Variants in AGFG1 observed in about 807,000 individuals in gnomAD.
AGFG1 encodes arf-GAP domain and FG repeat-containing protein 1.
AGFG1 carries 10 observed loss-of-function variants against 60.6 expected under a neutral mutation model. That is an observed-to-expected ratio of 0.16 (90% CI 0.10 to 0.28). AGFG1 has a LOEUF of 0.28. AGFG1 is among the 10% of genes least tolerant of loss of function. The pLI is 1.00. For missense variants in AGFG1, 537 were observed against 676.5 expected, an observed-to-expected ratio of 0.79 and a Z score of 2.29; for synonymous variants, 247 against 242.9, an observed-to-expected ratio of 1.02 and a Z score of -0.16.
intron 10 of AGFG1, chr2:227,550,047 G>A (rs1050367810): frequency 6.7e-6 from 3 of 449,144 alleles, no homozygotes; most frequent in East Asian, 7.5e-5. Flanking sequence ...TCTCTTTATG[G>A]CTTTCCATAA....
intron 2 of AGFG1, among the ~76,000 whole-genome samples, chr2:227,506,957 G>T (rs1243305526): frequency 6.6e-6 from 1 of 152,030 alleles, no homozygotes; most frequent in African/African-American, 2.4e-5. Flanking sequence ...TTCAGGAATG[G>T]GAAAGATCCA....
At chr2:227,553,826 A>G in intron 12 of AGFG1, 31 bp downstream of exon 12, 1 of 1,488,168 alleles carries the variant, frequency 6.7e-7, no homozygotes, top group Non-Finnish European at 9.3e-7. Context: ...AATACTTTAT[A>G]AGTTGTTAAA....
intron 2 of AGFG1, among the ~76,000 whole-genome samples, chr2:227,494,630 T>G (rs980544968): frequency 1.3e-5 from 2 of 152,218 alleles, no homozygotes; most frequent in African/African-American, 4.8e-5. Flanking sequence ...CCATGAATGA[T>G]GAATGACTTG....
intron 10 of AGFG1, among the ~76,000 whole-genome samples, chr2:227,547,744 A>G (rs1432832938): frequency 1.3e-5 from 2 of 152,232 alleles, no homozygotes; most frequent in Non-Finnish European, 2.9e-5. Context: ...TGCTTGTGGG[A>G]ATATAAAATG....
At chr2:227,530,047 T>C (rs1249057974) in intron 5 of AGFG1, among the ~76,000 whole-genome samples, 1 of 152,162 alleles carries the variant, frequency 6.6e-6, no homozygotes, top group African/African-American at 2.4e-5. Context: ...CGTCCTATGA[T>C]CTATCTTCCT....
intron 1 of AGFG1, among the ~76,000 whole-genome samples, chr2:227,481,052 C>T (rs1004592389): frequency 1.4e-5 from 2 of 147,926 alleles, no homozygotes; most frequent in Non-Finnish European, 3.0e-5. Context: ...TGTTCAGAAC[C>T]TCATATTGAA....
At chr2:227,520,832 T>C (rs1013997845) in intron 3 of AGFG1, among the ~76,000 whole-genome samples, 1 of 152,184 alleles carries the variant, frequency 6.6e-6, no homozygotes, top group Non-Finnish European at 1.5e-5. Context: ...GTTAACAAGA[T>C]GGGGCAGAGA....
At chr2:227,501,230 A>G (rs1691145506) in intron 2 of AGFG1, among the ~76,000 whole-genome samples, 1 of 151,862 alleles carries the variant, frequency 6.6e-6, no homozygotes, top group Non-Finnish European at 1.5e-5. Flanking sequence ...ACAGGCACCC[A>G]CCACCTTGCT....
At chr2:227,496,836 T>C (rs1690988380) in intron 2 of AGFG1, among the ~76,000 whole-genome samples, 1 of 152,222 alleles carries the variant, frequency 6.6e-6, no homozygotes, top group Admixed American at 6.5e-5. Context: ...GGATGGTTTC[T>C]GTAGGGGGAT....
chr2:227,527,482 A>T (rs10205138), intron 5 of AGFG1, among the ~76,000 whole-genome samples: 7,439 of 152,308 alleles, frequency 0.049, 252 homozygotes, highest in African/African-American at 0.1. Flanking sequence ...TTAAGATTCC[A>T]CAAATGGTTT....
At position 227,479,510 on chromosome 2, in the gene AGFG1, T is replaced by C. The variant is rs541839097; in HGVS notation, c.167+6922T>C. Among the ~76,000 whole-genome samples, 40 of 151,708 alleles carry C rather than the reference T, an allele frequency of 2.6e-4. No individual in the cohort carries two copies. In the South Asian group the frequency reaches 8.1e-3, roughly 31 times the overall value. On this transcript the variant is annotated intron_variant, in intron 1 of 12. Coordinates refer to ENST00000310078, the MANE Select transcript of AGFG1 (RefSeq NM_004504.5). ...AAATCATTGTCTTTTTAGAAACCTCTGTATCTGTTCCAATAGCATTCTTTG... is the reference window on the plus strand; with the variant it reads ...AAATCATTGTCTTTTTAGAAACCTCCGTATCTGTTCCAATAGCATTCTTTG...
intron 6 of AGFG1, among the ~76,000 whole-genome samples, chr2:227,533,295 G>T (rs959476778): frequency 6.6e-6 from 1 of 151,994 alleles, no homozygotes; most frequent in Non-Finnish European, 1.5e-5. Context: ...ACCCCTCCAT[G>T]AATTACATTC....
chr2:227,547,325 A>G (rs1692681849), intron 10 of AGFG1, among the ~76,000 whole-genome samples: 1 of 151,842 alleles, frequency 6.6e-6, no homozygotes, highest in South Asian at 2.1e-4. Context: ...ATTGCTGCTG[A>G]TTTGCTCTCC....
rs1690116959 is a variant in AGFG1 at position 227,472,377 on chromosome 2, G to A, written c.-45G>A. ...GACCGCGGGCCCCCGGCGCAGCGCT[G>A]CCCGGCTCCCGGCCCTGCCGGCCTC... On this transcript the variant is annotated 5_prime_UTR_variant, in exon 1 of 13. Transcript: ENST00000310078. 7.1e-6 allele frequency: 9 copies of A among 1,260,004 alleles called. No individual in the cohort carries two copies. The highest frequency in any genetic ancestry group is 3.4e-5 in the Admixed American group (1 of 29,250). 78.1% of individuals were successfully genotyped at this position (1,260,004 alleles called of 1,614,324 possible).
chr2:227,526,804 A>G (rs529775855), intron 5 of AGFG1, among the ~76,000 whole-genome samples: 1 of 152,212 alleles, frequency 6.6e-6, no homozygotes, highest in African/African-American at 2.4e-5. Flanking sequence ...TTGGCCTCCC[A>G]AAGTACTGGG....
At chr2:227,521,946 G>A (rs1691839315) in intron 3 of AGFG1, among the ~76,000 whole-genome samples, 1 of 152,174 alleles carries the variant, frequency 6.6e-6, no homozygotes, top group South Asian at 2.1e-4. Flanking sequence ...CCATCATTAA[G>A]AGGGCCAGGA....
intron 10 of AGFG1, among the ~76,000 whole-genome samples, chr2:227,546,211 C>A (rs985010318): frequency 6.6e-6 from 1 of 152,204 alleles, no homozygotes; most frequent in Non-Finnish European, 1.5e-5. Flanking sequence ...CCTCCCCCAG[C>A]CTTGCTGCCG....
chr2:227,479,301 T>G (rs1188694356), intron 1 of AGFG1, among the ~76,000 whole-genome samples: 1 of 152,232 alleles, frequency 6.6e-6, no homozygotes, highest in Non-Finnish European at 1.5e-5. Flanking sequence ...CCTTTTTCTG[T>G]TCCCTATTCA....
intron 8 of AGFG1, among the ~76,000 whole-genome samples, chr2:227,535,487 A>G (rs1438855150): frequency 6.6e-6 from 1 of 152,222 alleles, no homozygotes. Context: ...TCATCCTCAT[A>G]TTTACAAATA....
Sources: allele counts gnomAD v4.1 joint callset (sites outside exome capture counted in the v4.1 genomes callset), GRCh38; gene constraint gnomAD v4.1.1; transcripts MANE v1.5; gene names NCBI Gene and HGNC (gene_info 2026-07-23, HGNC 2026-07-21).